HSD11B1L: variants seen among roughly 807,000 people sequenced by gnomAD.
HSD11B1L encodes hydroxysteroid 11-beta dehydrogenase 1 like.
A neutral mutation model predicts 27.0 loss-of-function variants in HSD11B1L; 22 were observed. The ratio of observed to expected loss-of-function variants is 0.81; its 90% CI spans 0.58 to 1.16. The LOEUF (loss-of-function observed/expected upper bound fraction) is 1.16, where lower values mean the gene tolerates loss of function less well. Ranked by LOEUF, HSD11B1L falls within the 50% of genes most tolerant of loss-of-function variation. The pLI is 0.00. For missense variants in HSD11B1L, 372 were observed against 401.8 expected (o/e 0.93, Z 0.63); for synonymous variants, 187 against 189.2 (o/e 0.99, Z 0.09).
In HSD11B1L at chr19:5,684,989, C is replaced by T. The variant is rs768905891; in HGVS notation, c.74C>T (p.Ala25Val). 14 of 1,608,560 alleles carry T rather than the reference C, an allele frequency of 8.7e-6. No homozygotes were observed. Among genetic ancestry groups the T allele is most frequent in the South Asian group, 1.1e-5 (1 of 90,574 alleles). The change falls in exon 3 of 8, where the codon GCC (alanine) becomes GTC (valine). Residue 25 changes from alanine (A) to valine (V), a missense_variant and splice_region_variant. Coordinates refer to ENST00000339423, the MANE Select transcript of HSD11B1L (RefSeq NM_198706.3). ...GAGTGACCACCCCGGCTATGGCCAG[C>T]CAGCCTCCAGGGAGCGCGAGTGCTG... ...AYYWDDNFDP[A>V]SLQGARVLLT...
In HSD11B1L at chr19:5,687,095, C is replaced by T; in HGVS notation, c.408+104C>T. 1 of 1,165,886 alleles carries T rather than the reference C, an allele frequency of 8.6e-7. No homozygotes were observed. The highest frequency in any genetic ancestry group is 1.2e-6 in the Non-Finnish European group (1 of 824,542). 72.2% of individuals were successfully genotyped at this position (1,165,886 alleles called of 1,614,324 possible). On this transcript the variant is annotated intron_variant, in intron 5 of 7. Transcript: ENST00000339423. This position sits in a 1 kb window ranked among gnomAD's most constrained non-coding sequence, Gnocchi z 6.6. ...TGCCTTCTCCAGGGAGGGCTCTCCA[C>T]CCGTCCCGCCCCAGCCACGCCCCTC... is the stretch of plus-strand genomic sequence containing the variant.
At chr19:5,684,010 C>CT (rs2054622540) in intron 1 of HSD11B1L, 1 of 458,144 alleles carries the variant, frequency 2.2e-6, no homozygotes, top group African/African-American at 2.0e-5. Context: ...GAGTTTCGCT[C>CT]TTGTTGCCTA....
In HSD11B1L at chr19:5,688,015, A is replaced by G. The variant is rs1277743730; in HGVS notation, c.*70A>G. 6.4e-7 allele frequency: 1 copy of G among 1,551,330 alleles called. No homozygotes were observed. Among genetic ancestry groups the G allele is most frequent in the Admixed American group, 2.0e-5 (1 of 50,994 alleles). On this transcript the variant is annotated 3_prime_UTR_variant, in exon 8 of 8. Transcript: ENST00000339423. ...CTCCAACTGTCCCTGGAGCCAGAAC[A>G]CTCACAGAGACACCCCTGAGAGGGT...
In HSD11B1L at chr19:5,685,175, G is replaced by C; in HGVS notation, c.204+56G>C. ...GGGGTGCTCATGGGGGGTGGGAAGA[G>C]AGCCTGGGTTTAATCCCTGCAATGA... On this transcript the variant is annotated intron_variant, in intron 3 of 7. Transcript: ENST00000339423. The surrounding 1 kb of genome is among the most constrained non-coding windows in gnomAD (Gnocchi z 4.3). 2.0e-6 allele frequency: 3 copies of C among 1,533,250 alleles called. No homozygotes were observed. The highest frequency in any genetic ancestry group is 2.6e-6 in the Non-Finnish European group (3 of 1,143,348). 95.0% of individuals were successfully genotyped at this position (1,533,250 alleles called of 1,614,324 possible).
intron 1 of HSD11B1L, 151 bp from the exon 2 acceptor site, chr19:5,684,668 G>GGAGCCGCGGTGGTTCATT: frequency 8.0e-7 from 1 of 1,249,872 alleles, no homozygotes; most frequent in Non-Finnish European, 1.1e-6. Flanking sequence ...GGTGGTTCAT[G>GGAGCCGCGGTGGTTCATT]GAGCCACCGT....
chr19:5,683,372 G>T (rs1204534557), intron 1 of HSD11B1L, among the ~76,000 whole-genome samples: 1 of 152,028 alleles, frequency 6.6e-6, no homozygotes. Context: ...ATGCCTTCTG[G>T]GTGTCTCCAG....
chr19:5,685,206 G>T lies in HSD11B1L; in HGVS notation c.204+87G>T, dbSNP rs370222028. On this transcript the variant is annotated intron_variant, in intron 3 of 7. Coordinates refer to ENST00000339423, the MANE Select transcript of HSD11B1L (RefSeq NM_198706.3). The surrounding 1 kb of genome is among the most constrained non-coding windows in gnomAD (Gnocchi z 4.3). ...GGGTTTAATCCCTGCAATGATCCAG[G>T]CTTCCCGTGTGACCTTGGGCAAGTC... The T allele has an allele frequency of 1.3e-6, 2 of 1,494,002 alleles. No homozygotes were observed. The highest frequency in any genetic ancestry group is 4.9e-5 in the East Asian group (2 of 40,726). The allele number at this position is 1,494,002 out of a possible 1,614,324, so 92.5% of individuals were successfully genotyped here.
intron 4 of HSD11B1L, 120 bp downstream of exon 4, chr19:5,686,647 G>A: frequency 2.5e-6 from 2 of 801,954 alleles, no homozygotes; most frequent in South Asian, 1.8e-5. Context: ...AGACAAATGG[G>A]GACTGGGGGC....
Position 5,686,965 on chromosome 19 carries a change from C to G in HSD11B1L, c.382C>G (p.Pro128Ala). The G allele has an allele frequency of 6.4e-7, 1 of 1,550,990 alleles. No individual in the cohort carries two copies. The highest frequency in any genetic ancestry group is 2.4e-5 in the East Asian group (1 of 41,096). The stretch of plus-strand genomic sequence containing the variant: ...CCCGGCCGGCACGCGAGCCCGCAGC[C>G]CCCAGGCAACTCGCTGGCTCATGCA... The part of the protein sequence containing the change: ...GAPAGTRARS[P>A]QATRWLMQVN... Residue 128 changes from proline (P) to alanine (A), a missense_variant, in exon 5 of 8, where the codon CCC (proline) becomes GCC (alanine). Physicochemically the swap from Pro to Ala is conservative, Grantham distance 27 (BLOSUM62 -1). Transcript: ENST00000339423.
intron 1 of HSD11B1L, among the ~76,000 whole-genome samples, chr19:5,683,108 C>T (rs1403822953): frequency 2.0e-5 from 3 of 150,808 alleles, no homozygotes; most frequent in Non-Finnish European, 2.9e-5. Context: ...AGGCTGGTCT[C>T]GAACTCCCAG....
In HSD11B1L at chr19:5,686,533, G is replaced by T; in HGVS notation, c.316+6G>T. ...GTTTGCGCTGGACAAGCTGGGTGAG[G>T]GGCTGGGCCTGAAGCCTGGAGTCCG... is the stretch of plus-strand genomic sequence containing the variant. On this transcript the variant is annotated splice_donor_region_variant and intron_variant, in intron 4 of 7. Coordinates refer to ENST00000339423, the MANE Select transcript of HSD11B1L (RefSeq NM_198706.3). The T allele has an allele frequency of 6.4e-7, 1 of 1,567,936 alleles. No homozygotes were observed. Among genetic ancestry groups the T allele is most frequent in the East Asian group, 2.3e-5 (1 of 43,340 alleles).
chr19:5,685,495 T>G lies in HSD11B1L; in HGVS notation c.204+376T>G. ...GGGAGGCCAAGGCGGATGGATCACT[T>G]GAGGTCAGGAGTTCAAAACCAGCCT... On this transcript the variant is annotated intron_variant, in intron 3 of 7. Transcript: ENST00000339423. This position sits in a 1 kb window ranked among gnomAD's most constrained non-coding sequence, Gnocchi z 4.3. The G allele has an allele frequency of 2.9e-6, 1 of 342,724 alleles. No individual in the cohort carries two copies. Among genetic ancestry groups the G allele is most frequent in the Non-Finnish European group, 5.7e-6 (1 of 174,650 alleles). The allele number at this position is 342,724 out of a possible 1,614,324, so 21.2% of individuals were successfully genotyped here. A position where few individuals can be genotyped will look rare whatever the true frequency, so the allele number is the denominator to read the frequency against.
Position 5,687,704 on chromosome 19 carries a change from C to T in HSD11B1L, c.668+36C>T, listed in dbSNP as rs377279587. 3.2e-3 allele frequency: 4,879 copies of T among 1,532,910 alleles called. 127 individuals carry two copies. In the African/African-American group the frequency reaches 0.059, roughly 18 times the overall value. The allele number at this position is 1,532,910 out of a possible 1,614,324, so 95.0% of individuals were successfully genotyped here. A position where few individuals can be genotyped will look rare whatever the true frequency, so the allele number is the denominator to read the frequency against. On this transcript the variant is annotated intron_variant, in intron 7 of 7. Transcript: ENST00000339423. The surrounding 1 kb of genome is among the most constrained non-coding windows in gnomAD (Gnocchi z 6.6). ...GACAAGCTGGGGGCTGGGCTGGGGG[C>T]CATGGCCCAGCCCCAGCCGCAGTCC...
Position 5,687,393 on chromosome 19 carries a change from C to T in HSD11B1L, c.502+18C>T, listed in dbSNP as rs1282113050. 2.5e-6 allele frequency: 4 copies of T among 1,609,198 alleles called. No homozygotes were observed. Among genetic ancestry groups the T allele is most frequent in the East Asian group, 4.5e-5 (2 of 44,816 alleles). On this transcript the variant is annotated intron_variant, in intron 6 of 7. Coordinates refer to ENST00000339423, the MANE Select transcript of HSD11B1L (RefSeq NM_198706.3). The surrounding 1 kb of genome is among the most constrained non-coding windows in gnomAD (Gnocchi z 6.6). ...GCTGCTCGGTGCGTGCACCCGGCCC[C>T]GGCTCTGCGGGACGGGGAGTGGGGA...
At chr19:5,683,164 C>T (rs549786560) in intron 1 of HSD11B1L, among the ~76,000 whole-genome samples, 1 of 114,322 alleles carries the variant, frequency 8.7e-6, no homozygotes, top group South Asian at 2.7e-4. Context: ...GCTGGGATTA[C>T]AAAGTGTAAT....
chr19:5,682,909 G>A (rs936504179), intron 1 of HSD11B1L, among the ~76,000 whole-genome samples: 9 of 141,708 alleles, frequency 6.4e-5, no homozygotes, highest in African/African-American at 1.6e-4. Context: ...TCTCCACCCC[G>A]CTGGGTTCAA....
In HSD11B1L at chr19:5,685,815, A is replaced by C. The variant is rs1479243421; in HGVS notation, c.205-601A>C. 6.6e-6 allele frequency among the ~76,000 whole-genome samples: 1 copy of C among 152,038 alleles called. No individual in the cohort carries two copies. Among genetic ancestry groups the C allele is most frequent in the Admixed American group, 6.6e-5 (1 of 15,262 alleles). On this transcript the variant is annotated intron_variant, in intron 3 of 7. Transcript: ENST00000339423. This position sits in a 1 kb window ranked among gnomAD's most constrained non-coding sequence, Gnocchi z 4.3. Reference sequence around the variant, plus strand: ...GCTACATGGGAGGCTGAGTCAGGAGAATCACTTGAACCCCGGAGGCAGAGG... The same window carrying C: ...GCTACATGGGAGGCTGAGTCAGGAGCATCACTTGAACCCCGGAGGCAGAGG...
rs2145565092 is a variant in HSD11B1L, at chr19:5,688,495, C to T, written c.*550C>T. The T allele has an allele frequency of 2.9e-6, 1 of 340,870 alleles. No individual in the cohort carries two copies. Among genetic ancestry groups the T allele is most frequent in the Non-Finnish European group, 5.4e-6 (1 of 186,882 alleles). 21.1% of individuals were successfully genotyped at this position (340,870 alleles called of 1,614,324 possible). A position where few individuals can be genotyped will look rare whatever the true frequency, so the allele number is the denominator to read the frequency against. On this transcript the variant is annotated 3_prime_UTR_variant, in exon 8 of 8. Transcript: ENST00000339423. ...TCTGAGCTGGACCCAGCCTCTTGTT[C>T]GAGAATAAAAACTCTTCTTCTCTTG...
At chr19:5,683,540 T>C (rs1385483867) in intron 1 of HSD11B1L, among the ~76,000 whole-genome samples, 2 of 152,206 alleles carry the variant, frequency 1.3e-5, no homozygotes, top group African/African-American at 4.8e-5. Context: ...TTCCATTTCC[T>C]TCCTGCCCTT....
Sources: gnomAD v4.1 joint callset for allele counts (sites outside exome capture counted in the v4.1 genomes callset) on GRCh38, gnomAD v4.1.1 for gene constraint, Gnocchi (gnomAD v3.1) non-coding constraint, MANE v1.5 for transcripts, NCBI Gene and HGNC (gene_info 2026-07-23, HGNC 2026-07-21) for gene names.